The following NEFH variants were observed in gnomAD, a reference collection of about 807,000 sequenced individuals.
NEFH encodes the protein neurofilament heavy chain, also known as neurofilament heavy polypeptide.
A neutral mutation model predicts 56.6 loss-of-function variants in NEFH; 58 were observed. The observed-to-expected ratio is 1.03, with a 90% confidence interval of 0.83 to 1.28. NEFH has a LOEUF of 1.28. NEFH is among the 50% of genes most tolerant of loss of function. NEFH has a pLI of 0.00. For missense variants in NEFH, 1,221 were observed against 1,307.6 expected (o/e 0.93, Z 1.02); for synonymous variants, 542 against 545.8 (o/e 0.99, Z 0.10).
Position 29,480,528 on chromosome 22 carries a change from T to G in NEFH, c.266T>G (p.Val89Gly). The change falls in exon 1 of 4, where the codon GTG becomes GGG. Residue 89 changes from valine (V) to glycine (G), a missense_variant. This residue lies in a region of NEFH where 640 missense variants were observed against 555.5 expected (regional missense o/e 1.15). Coordinates refer to ENST00000310624, the MANE Select transcript of NEFH (RefSeq NM_021076.4). ...AGCAACGGGCCGGAGGGCTGCATGG[T>G]GGCGGTGGCCACCTCACGCAGTGAG... The part of the protein sequence containing the change: ...TLSNGPEGCM[V>G]AVATSRSEKE... 1 of 1,536,634 alleles carries G rather than the reference T, an allele frequency of 6.5e-7. No homozygotes were observed. Among genetic ancestry groups the G allele is most frequent in the African/African-American group, 1.4e-5 (1 of 73,360 alleles).
rs1215092251 is a variant in NEFH, at chr22:29,481,156, G to C, written c.883+11G>C. Reference sequence around the variant, plus strand: ...AGGAGTGGTTCCGAGGTACGCAGGCGCGCGGGTGGGGGGAGGGGCGCCCCT... The same window carrying C: ...AGGAGTGGTTCCGAGGTACGCAGGCCCGCGGGTGGGGGGAGGGGCGCCCCT... On this transcript the variant is annotated intron_variant, in intron 1 of 3. Coordinates refer to ENST00000310624, the MANE Select transcript of NEFH (RefSeq NM_021076.4). The C allele has an allele frequency of 3.3e-6, 5 of 1,530,992 alleles. No individual in the cohort carries two copies. In the East Asian group the frequency reaches 1.2e-4, roughly 38 times the overall value. 94.8% of individuals were successfully genotyped at this position (1,530,992 alleles called of 1,614,324 possible). A position where few individuals can be genotyped will look rare whatever the true frequency, so the allele number is the denominator to read the frequency against.
rs1435408703 is a variant in NEFH, at chr22:29,490,688, C to T, written c.3048C>T (p.Ala1016=). 8 of 1,614,062 alleles carry T rather than the reference C, an allele frequency of 5.0e-6. No homozygotes were observed. Among genetic ancestry groups the T allele is most frequent in the South Asian group, 2.2e-5 (2 of 91,076 alleles). ...KPPEKATEDK[A]AKGK ...CAGAGAAGGCCACAGAAGACAAGGC[C>T]GCCAAGGGGAAGTAAGGCAGGGAGA... Residue 1016 remains alanine (A), a synonymous_variant, in exon 4 of 4, where the codon GCC becomes GCT. Transcript: ENST00000310624.
chr22:29,482,954 G>A (rs1386619057), intron 1 of NEFH, among the ~76,000 whole-genome samples: 1 of 152,092 alleles, frequency 6.6e-6, no homozygotes, highest in Non-Finnish European at 1.5e-5. Flanking sequence ...TCTGGCACAC[G>A]CAGTAGGTCA....
At position 29,483,515 on chromosome 22, in the gene NEFH, C is replaced by A; in HGVS notation, c.1024C>A (p.Leu342Met). 1 of 1,614,026 alleles carries A rather than the reference C, an allele frequency of 6.2e-7. No individual in the cohort carries two copies. The highest frequency in any genetic ancestry group is 8.5e-7 in the Non-Finnish European group (1 of 1,180,030). ...GGCACTGAAAAGCACCAAGGACTCA[C>A]TGGAGAGGCAGCGCTCTGAGCTGGA... ...LEALKSTKDSLERQRSELEDR... is the reference protein window; with the variant it reads ...LEALKSTKDSMERQRSELEDR... Residue 342 changes from leucine (L) to methionine (M), a missense_variant, in exon 2 of 4, where the codon CTG becomes ATG. Leu to Met is a conservative substitution (Grantham distance 15, BLOSUM62 2). Around this residue, in one of 4 missense-constraint regions of NEFH, gnomAD observed 640 missense variants for 555.5 expected, o/e 1.15. Transcript: ENST00000310624.
chr22:29,481,273 A>C, intron 1 of NEFH, 128 bp downstream of exon 1: 3 of 906,580 alleles, frequency 3.3e-6, no homozygotes, highest in Non-Finnish European at 5.0e-6. Context: ...TTCCCTCTGC[A>C]AAGTGCATGC....
Position 29,489,973 on chromosome 22 carries a change from C to T in NEFH, c.2333C>T (p.Ala778Val), listed in dbSNP as rs2146401019. Residue 778 changes from alanine to valine, a missense_variant, in exon 4 of 4, where the codon GCA becomes GTA. Physicochemically the swap from Ala to Val is moderately conservative, Grantham distance 64. Transcript: ENST00000310624. ...GCGAAGGAGGAAGCAAGGTCCCCTG[C>T]AGACAAATTCCCTGAAAAGGCCAAA... ...TPAKEEARSP[A>V]DKFPEKAKSP... The T allele has an allele frequency of 6.2e-7, 1 of 1,613,690 alleles. No homozygotes were observed. The highest frequency in any genetic ancestry group is 2.2e-5 in the East Asian group (1 of 44,784).
Position 29,483,827 on chromosome 22 carries a change from TTTTATTTATTTA to T in NEFH, c.1083+281_1083+292del, listed in dbSNP as rs140814097. ...AGCTGGAAAGATTAAAGAGATAGACTTTTATTTATTTATTTATTTATTTATTTATTTATTTAT... is the reference window on the plus strand; with the variant it reads ...AGCTGGAAAGATTAAAGAGATAGACTTTTATTTATTTATTTATTTATTTAT... On this transcript the variant is annotated intron_variant, in intron 2 of 3. Coordinates refer to ENST00000310624, the MANE Select transcript of NEFH (RefSeq NM_021076.4). 6.6e-3 allele frequency among the ~76,000 whole-genome samples: 907 copies of T among 136,542 alleles called. 9 individuals carry two copies. Among genetic ancestry groups the T allele is most frequent in the African/African-American group, 0.023 (835 of 36,130 alleles). The allele number at this position is 136,542 out of a possible 152,430, so 89.6% of individuals were successfully genotyped here.
chr22:29,484,380 C>G (rs931501787), intron 2 of NEFH, among the ~76,000 whole-genome samples: 2 of 152,064 alleles, frequency 1.3e-5, no homozygotes, highest in African/African-American at 4.8e-5. Flanking sequence ...TGGCTCATGC[C>G]TGTAATCCCA....
chr22:29,486,529 T>TC (rs1292575170), intron 3 of NEFH, among the ~76,000 whole-genome samples: 1 of 148,298 alleles, frequency 6.7e-6, no homozygotes, highest in African/African-American at 2.5e-5. Flanking sequence ...CTTTTTTTTT[T>TC]TTTTTTTTTT....
chr22:29,480,976 G>T lies in NEFH; in HGVS notation c.714G>T (p.Val238=). Residue 238 remains valine (V), a synonymous_variant, in exon 1 of 4, where the codon GTG becomes GTT. Coordinates refer to ENST00000310624, the MANE Select transcript of NEFH (RefSeq NM_021076.4). ...TGCGGCGCCACCACCAGGAAGAGGT[G>T]GGCGAGCTGCTCGGCCAGATCCAGG... ...GYLRRHHQEE[V]GELLGQIQGS... The T allele has an allele frequency of 6.5e-7, 1 of 1,531,892 alleles. No homozygotes were observed. Among genetic ancestry groups the T allele is most frequent in the Non-Finnish European group, 8.7e-7 (1 of 1,145,594 alleles). The allele number at this position is 1,531,892 out of a possible 1,614,324, so 94.9% of individuals were successfully genotyped here. A position where few individuals can be genotyped will look rare whatever the true frequency, so the allele number is the denominator to read the frequency against.
Position 29,489,379 on chromosome 22 carries a change from C to G in NEFH, c.1739C>G (p.Ser580Cys). The G allele has an allele frequency of 1.2e-6, 2 of 1,612,826 alleles. No homozygotes were observed. Among genetic ancestry groups the G allele is most frequent in the Non-Finnish European group, 1.7e-6 (2 of 1,179,196 alleles). ...GCAAAATCTCCAGCTGAGGTCAAGT[C>G]CCCCGAGAAGGCCAAGTCCCCAGCA... ...EEAKSPAEVK[S>C]PEKAKSPAKE... is the part of the protein sequence containing the mutation. The change falls in exon 4 of 4, where the codon TCC becomes TGC. Residue 580 changes from serine (S) to cysteine (C), a missense_variant. This residue lies in a region of NEFH where 243 missense variants were observed against 299.1 expected (regional missense o/e 0.81). Transcript: ENST00000310624.
chr22:29,483,082 C>T (rs1046971072), intron 1 of NEFH, among the ~76,000 whole-genome samples: 1 of 152,062 alleles, frequency 6.6e-6, no homozygotes, highest in South Asian at 2.1e-4. Context: ...AGTTCAAGAC[C>T]GCCTGGCGAA....
intron 3 of NEFH, among the ~76,000 whole-genome samples, chr22:29,487,310 T>C (rs905763170): frequency 4.6e-5 from 7 of 152,124 alleles, no homozygotes; most frequent in Admixed American, 3.3e-4. Flanking sequence ...ACCAGCAGAA[T>C]TGGCATCATT....
chr22:29,486,713 G>A (rs568022591), intron 3 of NEFH, among the ~76,000 whole-genome samples: 1 of 151,994 alleles, frequency 6.6e-6, no homozygotes, highest in East Asian at 2.0e-4. Context: ...AGTAGAGACT[G>A]GGTCTCGCTA....
Position 29,490,589 on chromosome 22 carries a change from A to T in NEFH, c.2949A>T (p.Ser983=), listed in dbSNP as rs2063075624. The change falls in exon 4 of 4, where the codon TCA becomes TCT. Residue 983 remains serine (S), a synonymous_variant. Transcript: ENST00000310624. The part of the protein sequence containing the change: ...AKAKEDDKTL[S]KEPSKPKAEK... ...CCAAGGAAGATGACAAGACCCTCTC[A>T]AAAGAGCCTAGCAAGCCTAAGGCAG... 6.2e-7 allele frequency: 1 copy of T among 1,613,974 alleles called. No individual in the cohort carries two copies. Among genetic ancestry groups the T allele is most frequent in the African/African-American group, 1.3e-5 (1 of 74,916 alleles).
In NEFH at chr22:29,480,973, G is replaced by A. The variant is rs769680166; in HGVS notation, c.711G>A (p.Glu237=). Residue 237 remains glutamate, a synonymous_variant, in exon 1 of 4, where the codon GAG becomes GAA. Transcript: ENST00000310624. ...CGYLRRHHQE[E]VGELLGQIQG... ...ACCTGCGGCGCCACCACCAGGAAGAGGTGGGCGAGCTGCTCGGCCAGATCC... is the reference window on the plus strand; with the variant it reads ...ACCTGCGGCGCCACCACCAGGAAGAAGTGGGCGAGCTGCTCGGCCAGATCC... The A allele has an allele frequency of 2.6e-6, 4 of 1,531,674 alleles. No individual in the cohort carries two copies. Among genetic ancestry groups the A allele is most frequent in the Admixed American group, 2.0e-5 (1 of 50,872 alleles). The allele number at this position is 1,531,674 out of a possible 1,614,324, so 94.9% of individuals were successfully genotyped here. A position where few individuals can be genotyped will look rare whatever the true frequency, so the allele number is the denominator to read the frequency against.
Position 29,483,535 on chromosome 22 carries a change from G to C in NEFH, c.1044G>C (p.Glu348Asp), listed in dbSNP as rs1475562664. The change falls in exon 2 of 4, where the codon GAG becomes GAC. Residue 348 changes from glutamate (E) to aspartate (D), a missense_variant. Physicochemically the swap from Glu to Asp is conservative, Grantham distance 45 (BLOSUM62 2). Transcript: ENST00000310624. ...ACTCACTGGAGAGGCAGCGCTCTGAGCTGGAGGACCGTCATCAGGCCGACA... is the reference window on the plus strand; with the variant it reads ...ACTCACTGGAGAGGCAGCGCTCTGACCTGGAGGACCGTCATCAGGCCGACA... ...TKDSLERQRS[E>D]LEDRHQADIA... 8.1e-6 allele frequency: 13 copies of C among 1,613,784 alleles called. No homozygotes were observed. Among genetic ancestry groups the C allele is most frequent in the Non-Finnish European group, 1.0e-5 (12 of 1,180,038 alleles).
At chr22:29,487,736 T>C (rs2063052510) in intron 3 of NEFH, among the ~76,000 whole-genome samples, 1 of 152,216 alleles carries the variant, frequency 6.6e-6, no homozygotes, top group African/African-American at 2.4e-5. Context: ...GTCATCTGTG[T>C]GCTGCTAAAT....
At position 29,490,706 on chromosome 22, in the gene NEFH, C is replaced by T; in HGVS notation, c.*3C>T. The T allele has an allele frequency of 6.2e-7, 1 of 1,614,030 alleles. No individual in the cohort carries two copies. Among genetic ancestry groups the T allele is most frequent in the Non-Finnish European group, 8.5e-7 (1 of 1,180,020 alleles). The stretch of plus-strand genomic sequence containing the variant: ...ACAAGGCCGCCAAGGGGAAGTAAGG[C>T]AGGGAGAAAGGAACATCCGGAACAG... On this transcript the variant is annotated 3_prime_UTR_variant, in exon 4 of 4. Transcript: ENST00000310624.
Sources: gnomAD v4.1 joint callset for allele counts (sites outside exome capture counted in the v4.1 genomes callset) on GRCh38, gnomAD v4.1.1 for gene constraint, gnomAD v4.1.1 regional missense constraint, MANE v1.5 for transcripts, NCBI Gene and HGNC (gene_info 2026-07-23, HGNC 2026-07-21) for gene names.